Variants in SBNO2 observed in about 807,000 individuals in gnomAD.
The protein encoded by SBNO2 is protein strawberry notch homolog 2.
Under a neutral mutation model 146.3 loss-of-function variants are expected in SBNO2, and 89 were observed. The observed-to-expected ratio is 0.61, with a 90% CI of 0.51 to 0.73. The LOEUF (loss-of-function observed/expected upper bound fraction) is 0.73, where lower values mean the gene tolerates loss of function less well. SBNO2 is among the 30% of genes least tolerant of loss of function. The pLI, the probability that SBNO2 is intolerant of heterozygous loss-of-function variation, is 0.00. For missense variants in SBNO2, 2,092 were observed against 2,003.7 expected, an observed-to-expected ratio of 1.04 and a Z score of -0.84; for synonymous variants, 1,147 against 892.6, an observed-to-expected ratio of 1.29 and a Z score of -5.08.
At chr19:1,130,029 C>T (rs2080010678) in intron 4 of SBNO2, among the ~76,000 whole-genome samples, 1 of 152,196 alleles carries the variant, frequency 6.6e-6, no homozygotes, top group Non-Finnish European at 1.5e-5. Context: ...AGGGCATCCA[C>T]ACCACCCGAC....
At chr19:1,122,856 C>T (rs375193041) in intron 8 of SBNO2, 38 bp downstream of exon 8, 48 of 1,537,730 alleles carry the variant, frequency 3.1e-5, no homozygotes, top group African/African-American at 3.0e-4. Flanking sequence ...AGGGGCCTCG[C>T]GGACACAGGC....
At position 1,117,300 on chromosome 19, in the gene SBNO2, C is replaced by T. The variant is rs757377926; in HGVS notation, c.1704+23G>A. 8 of 1,547,020 alleles carry T rather than the reference C, an allele frequency of 5.2e-6. No homozygotes were observed. The East Asian group carries it at 1.9e-4, about 38-fold the overall frequency. On this transcript the variant is annotated intron_variant, in intron 15 of 31. Transcript: ENST00000361757. Reference sequence around the variant, plus strand: ...CCCTGCAGGCCCGGCCGCCCTCAGCCCTCGAAGGCCGCAGCCGCTCACCTT... The same window carrying T: ...CCCTGCAGGCCCGGCCGCCCTCAGCTCTCGAAGGCCGCAGCCGCTCACCTT...
At chr19:1,118,953 G>A (rs1355495868) in intron 14 of SBNO2, 58 bp downstream of exon 14, 2 of 1,526,436 alleles carry the variant, frequency 1.3e-6, no homozygotes, top group East Asian at 4.8e-5. Context: ...AAGGCCACGG[G>A]GGAGCAATTT....
At chr19:1,154,909 G>A (rs1014614882) in intron 1 of SBNO2, among the ~76,000 whole-genome samples, 1 of 152,206 alleles carries the variant, frequency 6.6e-6, no homozygotes, top group Non-Finnish European at 1.5e-5. Context: ...ACGCAGAGCT[G>A]GAAGAGCACC....
At chr19:1,114,478 G>A (rs1056805997) in intron 17 of SBNO2, 56 bp from the exon 18 acceptor site, 141 of 1,410,946 alleles carry the variant, frequency 1.0e-4, no homozygotes, top group Non-Finnish European at 1.3e-4. Context: ...GGAGGAGCAG[G>A]TGGAGGAGAC....
rs1352102718 is a variant in SBNO2, at chr19:1,126,196, A to G, written c.441+1408T>C. ...TTCTGCATTTTCTAACACTAGGAAC[A>G]CTCCTGAGGGTTTTTAAAGAAAGTG... is the stretch of plus-strand genomic sequence containing the variant. On this transcript the variant is annotated intron_variant, in intron 5 of 31. Transcript: ENST00000361757. The surrounding 1 kb of genome is among the most constrained non-coding windows in gnomAD (Gnocchi z 4.4). 6.6e-6 allele frequency among the ~76,000 whole-genome samples: 1 copy of G among 151,696 alleles called. No homozygotes were observed. The highest frequency in any genetic ancestry group is 1.9e-4 in the East Asian group (1 of 5,168).
chr19:1,153,910 G>A (rs929413720), intron 2 of SBNO2, among the ~76,000 whole-genome samples: 9 of 152,208 alleles, frequency 5.9e-5, no homozygotes, highest in African/African-American at 1.2e-4. Context: ...AGCTGACGGC[G>A]AAGGAACTGG....
chr19:1,149,577 G>T, intron 2 of SBNO2, 135 bp from the exon 3 acceptor site: 1 of 747,000 alleles, frequency 1.3e-6, no homozygotes, highest in African/African-American at 1.7e-5. Flanking sequence ...GCCCCTGCTG[G>T]TATCTCCTGG....
At chr19:1,166,187 A>AG (rs2080422167) in intron 1 of SBNO2, among the ~76,000 whole-genome samples, 1 of 46,172 alleles carries the variant, frequency 2.2e-5, no homozygotes, top group African/African-American at 8.4e-5. Context: ...CAGATCCCAG[A>AG]CTTCAGATCC....
At chr19:1,120,071 C>T in intron 11 of SBNO2, 48 bp from the exon 12 acceptor site, 1 of 1,458,056 alleles carries the variant, frequency 6.9e-7, no homozygotes. Context: ...GGGGGCGACC[C>T]CAGGAGCCCA....
intron 4 of SBNO2, among the ~76,000 whole-genome samples, chr19:1,133,722 T>C (rs2080058015): frequency 6.6e-6 from 1 of 151,628 alleles, no homozygotes; most frequent in African/African-American, 2.4e-5. Context: ...CAGCCACCGC[T>C]CAACCTAGCA....
At chr19:1,169,036 CGCTTGTTCTTGCTGGGGATGGAG>C (rs1475612686) in intron 1 of SBNO2, 1 of 152,296 alleles carries the variant, frequency 6.6e-6, no homozygotes, top group Non-Finnish European at 1.5e-5. Flanking sequence ...TTCACTTGGA[CGCTTGTTCTTGCTGGGGATGGAG>C]GTCAATCACA....
chr19:1,132,569 G>A (rs558733241), intron 4 of SBNO2, among the ~76,000 whole-genome samples: 1 of 152,326 alleles, frequency 6.6e-6, no homozygotes, highest in Non-Finnish European at 1.5e-5. Context: ...TGTTCCTGGT[G>A]CCCCCAAACC....
At chr19:1,117,553 C>A in intron 14 of SBNO2, 54 bp from the exon 15 acceptor site, 2 of 1,499,528 alleles carry the variant, frequency 1.3e-6, no homozygotes, top group Non-Finnish European at 1.8e-6. Context: ...GCTCCCGACC[C>A]GGGCCCCGGC....
chr19:1,167,238 G>A (rs2080434689), intron 1 of SBNO2, among the ~76,000 whole-genome samples: 1 of 152,266 alleles, frequency 6.6e-6, no homozygotes, highest in Non-Finnish European at 1.5e-5. Context: ...AATCACAGAA[G>A]CAGGAACTCC....
chr19:1,154,549 C>G, intron 1 of SBNO2, 147 bp from the exon 2 acceptor site: 1 of 353,138 alleles, frequency 2.8e-6, no homozygotes. Flanking sequence ...CGCTCCTTCC[C>G]CTCCCCACTC....
chr19:1,168,473 G>A (rs2080446788), intron 1 of SBNO2, among the ~76,000 whole-genome samples: 1 of 152,156 alleles, frequency 6.6e-6, no homozygotes, highest in South Asian at 2.1e-4. Context: ...ATGCCGCCCT[G>A]AGAAGCTCCT....
At chr19:1,124,127 C>T (rs1327331361) in intron 5 of SBNO2, 105 bp from the exon 6 acceptor site, 12 of 1,042,714 alleles carry the variant, frequency 1.2e-5, no homozygotes, top group Admixed American at 6.3e-5. Flanking sequence ...GCCCCGTCCT[C>T]GCCTCCCCAT....
chr19:1,117,660 T>A (rs1415331207), intron 14 of SBNO2, among the ~76,000 whole-genome samples, 161 bp from the exon 15 acceptor site: 1 of 152,218 alleles, frequency 6.6e-6, no homozygotes, highest in Non-Finnish European at 1.5e-5. Context: ...AGGCACTGCC[T>A]CTACCTGTAC....
Sources: gnomAD v4.1 joint callset for allele counts (sites outside exome capture counted in the v4.1 genomes callset) on GRCh38, gnomAD v4.1.1 for gene constraint, Gnocchi (gnomAD v3.1) non-coding constraint, MANE v1.5 for transcripts, NCBI Gene and HGNC (gene_info 2026-07-23, HGNC 2026-07-21) for gene names.